Variants in PRKG1 observed in about 807,000 individuals in gnomAD.
The protein encoded by PRKG1 is protein kinase cGMP-dependent 1, also known as cGMP-dependent protein kinase 1.
A neutral mutation model predicts 88.1 loss-of-function variants in PRKG1; 35 were observed. The observed-to-expected ratio is 0.40, with a 90% CI of 0.30 to 0.53. PRKG1 has a LOEUF of 0.53. Ranked by LOEUF, PRKG1 falls within the 20% of genes least tolerant of loss-of-function variation. The probability of loss-of-function intolerance (pLI) is 0.59; values close to 1 mark genes in which losing one functional copy is unlikely to be tolerated. For missense variants in PRKG1, 540 were observed against 839.8 expected (o/e 0.64, Z 4.41); for synonymous variants, 303 against 292.5 (o/e 1.04, Z -0.37).
At chr10:51,227,116 A>C (rs1367740675) in intron 2 of PRKG1, among the ~76,000 whole-genome samples, 1 of 150,746 alleles carries the variant, frequency 6.6e-6, no homozygotes, top group Non-Finnish European at 1.5e-5. Context: ...ATTCCTGTGT[A>C]ATGTACAGGA....
At chr10:52,002,564 T>C (rs1354560122) in intron 5 of PRKG1, among the ~76,000 whole-genome samples, 2 of 152,120 alleles carry the variant, frequency 1.3e-5, no homozygotes, top group East Asian at 1.9e-4. Flanking sequence ...ATTGTGTAGG[T>C]GACTCACCCT....
At chr10:51,383,619 T>C (rs1837172419) in intron 2 of PRKG1, among the ~76,000 whole-genome samples, 1 of 152,138 alleles carries the variant, frequency 6.6e-6, no homozygotes, top group Non-Finnish European at 1.5e-5. Flanking sequence ...AATACCTGGT[T>C]GTAACCACTC....
At chr10:52,278,169 C>T (rs1841918376) in intron 12 of PRKG1, among the ~76,000 whole-genome samples, 1 of 152,170 alleles carries the variant, frequency 6.6e-6, no homozygotes, top group Admixed American at 6.5e-5. Flanking sequence ...TGAACAGACA[C>T]TTCTCAAAAG....
At chr10:51,310,557 A>T (rs1564441217) in intron 2 of PRKG1, among the ~76,000 whole-genome samples, 1 of 152,218 alleles carries the variant, frequency 6.6e-6, no homozygotes. Context: ...CACATTCAAT[A>T]GTGTGGCCTC....
chr10:52,017,543 A>G (rs1030882210), intron 5 of PRKG1, among the ~76,000 whole-genome samples: 1 of 152,106 alleles, frequency 6.6e-6, no homozygotes, highest in Non-Finnish European at 1.5e-5. Flanking sequence ...GGTGATTCCA[A>G]GGTTTTGAGG....
At chr10:52,051,668 C>T (rs1845989466) in intron 5 of PRKG1, among the ~76,000 whole-genome samples, 1 of 152,144 alleles carries the variant, frequency 6.6e-6, no homozygotes, top group Non-Finnish European at 1.5e-5. Flanking sequence ...CAAATTGAAC[C>T]CTATCATTGG....
chr10:51,578,980 GTTTTTTTTTT>G (rs752412264), intron 3 of PRKG1, among the ~76,000 whole-genome samples: 4 of 77,828 alleles, frequency 5.1e-5, no homozygotes, highest in Admixed American at 1.4e-4. Context: ...AGTTCTGTTG[GTTTTTTTTTT>G]TTTTTTTTTT....
At chr10:51,486,618 G>A (rs529651037) in intron 3 of PRKG1, among the ~76,000 whole-genome samples, 1 of 152,096 alleles carries the variant, frequency 6.6e-6, no homozygotes, top group East Asian at 1.9e-4. Flanking sequence ...AATCAAAATA[G>A]CTTTTTGGAG....
At chr10:51,032,617 G>C (rs2132747939) in intron 1 of PRKG1, among the ~76,000 whole-genome samples, 1 of 152,140 alleles carries the variant, frequency 6.6e-6, no homozygotes, top group Non-Finnish European at 1.5e-5. Flanking sequence ...AAATTAGCTG[G>C]GAATGGTGGC....
At chr10:51,486,854 C>A (rs1840557927) in intron 3 of PRKG1, among the ~76,000 whole-genome samples, 1 of 152,098 alleles carries the variant, frequency 6.6e-6, no homozygotes, top group Non-Finnish European at 1.5e-5. Context: ...TATATTGTCA[C>A]TCTGTAATTC....
intron 5 of PRKG1, among the ~76,000 whole-genome samples, chr10:51,917,635 A>G (rs1842371926): frequency 6.6e-6 from 1 of 152,210 alleles, no homozygotes; most frequent in South Asian, 2.1e-4. Flanking sequence ...AAGTATTAAC[A>G]AAAATAATAC....
At chr10:52,131,462 G>A (rs1325541920) in intron 7 of PRKG1, among the ~76,000 whole-genome samples, 1 of 152,018 alleles carries the variant, frequency 6.6e-6, no homozygotes, top group East Asian at 1.9e-4. Flanking sequence ...AGATAAGAAG[G>A]GGTGAACTAA....
intron 3 of PRKG1, among the ~76,000 whole-genome samples, chr10:51,580,451 G>T (rs1312623358): frequency 6.6e-6 from 1 of 151,976 alleles, no homozygotes; most frequent in Non-Finnish European, 1.5e-5. Flanking sequence ...GATTTGAAAT[G>T]GTACCACTTT....
intron 3 of PRKG1, among the ~76,000 whole-genome samples, chr10:51,742,356 T>A (rs557505161): frequency 2.6e-5 from 4 of 152,264 alleles, no homozygotes; most frequent in Non-Finnish European, 5.9e-5. Context: ...ATGTAGAAGA[T>A]ATAATAAGGA....
chr10:51,837,478 C>A (rs1417425618), intron 4 of PRKG1, among the ~76,000 whole-genome samples: 2 of 152,066 alleles, frequency 1.3e-5, no homozygotes, highest in Non-Finnish European at 2.9e-5. Context: ...TAAATTCCTG[C>A]CATAAACCTT....
intron 3 of PRKG1, among the ~76,000 whole-genome samples, chr10:51,771,330 T>C (rs967366555): frequency 1.3e-5 from 2 of 152,194 alleles, no homozygotes; most frequent in Non-Finnish European, 2.9e-5. Context: ...ACTTAGACTT[T>C]TCTTTTTCTC....
At chr10:51,470,928 G>A (rs1036644939) in intron 3 of PRKG1, among the ~76,000 whole-genome samples, 6 of 151,672 alleles carry the variant, frequency 4.0e-5, no homozygotes, top group African/African-American at 7.3e-5. Flanking sequence ...TGGTTACCAC[G>A]ATAGCACTAG....
At chr10:52,291,724 T>C (rs1158155849) in intron 17 of PRKG1, among the ~76,000 whole-genome samples, 1 of 145,474 alleles carries the variant, frequency 6.9e-6, no homozygotes, top group Non-Finnish European at 1.5e-5. Context: ...CGTGTGCATG[T>C]GTCTTTATAG....
chr10:51,280,320 A>G (rs1176826965), intron 2 of PRKG1, among the ~76,000 whole-genome samples: 1 of 151,900 alleles, frequency 6.6e-6, no homozygotes, highest in African/African-American at 2.4e-5. Flanking sequence ...CTTCATTTCA[A>G]CTTTGGTGAA....
Sources: allele counts gnomAD v4.1 joint callset (sites outside exome capture counted in the v4.1 genomes callset), GRCh38; gene constraint gnomAD v4.1.1; transcripts MANE v1.5; gene names NCBI Gene and HGNC (gene_info 2026-07-23, HGNC 2026-07-21).